The following OTUD7B variants were observed in gnomAD, a reference collection of about 807,000 sequenced individuals.
OTUD7B encodes the protein OTU domain-containing protein 7B.
Under a neutral mutation model 82.2 loss-of-function variants are expected in OTUD7B, and 34 were observed. The observed-to-expected ratio is 0.41, with a 90% CI of 0.31 to 0.55. The LOEUF (loss-of-function observed/expected upper bound fraction) is 0.55. OTUD7B is among the 20% of genes least tolerant of loss of function. OTUD7B has a pLI of 0.20. For missense variants in OTUD7B, 944 were observed against 1,062.1 expected (o/e 0.89, Z 1.55); for synonymous variants, 398 against 402.7 (o/e 0.99, Z 0.14).
At chr1:150,026,432 C>A in the OTUD7B span, among the ~76,000 whole-genome samples, 1 of 152,190 alleles carries the variant, frequency 6.6e-6, no homozygotes, top group Non-Finnish European at 1.5e-5. Flanking sequence ...ATGGTTCTCT[C>A]CTTCTGCAAC....
chr1:149,952,061 T>TG (rs1648298835), intron 7 of OTUD7B, among the ~76,000 whole-genome samples: 2 of 152,072 alleles, frequency 1.3e-5, no homozygotes, highest in Non-Finnish European at 2.9e-5. Flanking sequence ...TAATTTTTTT[T>TG]TATTATACTT....
At chr1:150,056,165 C>T in the OTUD7B span, among the ~76,000 whole-genome samples, 32 of 152,138 alleles carry the variant, frequency 2.1e-4, no homozygotes, top group Non-Finnish European at 3.8e-4. Flanking sequence ...TGCCTGTTCT[C>T]TTAAAACATC....
intron 1 of OTUD7B, among the ~76,000 whole-genome samples, chr1:149,990,992 A>AC (rs1651530323): frequency 0.036 from 1 of 28 alleles, no homozygotes; most frequent in Non-Finnish European, 0.083. Flanking sequence ...ACTCCGTCGC[A>AC]AAAAAAAAAA....
chr1:150,014,986 T>G (rs1653225625), upstream of OTUD7B, among the ~76,000 whole-genome samples: 3 of 152,206 alleles, frequency 2.0e-5, no homozygotes, highest in African/African-American at 7.2e-5. Context: ...TACTTGTGGA[T>G]TATTTGATTG....
chr1:150,002,796 T>C (rs1210871370), intron 1 of OTUD7B, among the ~76,000 whole-genome samples: 1 of 152,172 alleles, frequency 6.6e-6, no homozygotes, highest in Non-Finnish European at 1.5e-5. Flanking sequence ...TCTGATTCCA[T>C]GAATCTGTAA....
chr1:149,995,193 T>C (rs1553783033), intron 1 of OTUD7B, among the ~76,000 whole-genome samples: 1 of 152,196 alleles, frequency 6.6e-6, no homozygotes. Flanking sequence ...TACATCCACA[T>C]AAATCATCTC....
rs782367031 is a variant in OTUD7B at position 149,977,556 on chromosome 1, G to C, written c.-46C>G. The C allele has an allele frequency of 1.4e-6, 2 of 1,452,518 alleles. No individual in the cohort carries two copies. The highest frequency in any genetic ancestry group is 2.8e-5 in the African/African-American group (2 of 71,760). The allele number at this position is 1,452,518 out of a possible 1,614,324, so 90.0% of individuals were successfully genotyped here. On this transcript the variant is annotated 5_prime_UTR_variant, in exon 2 of 12. The change creates a new upstream start codon in the 5' untranslated region. Coordinates refer to ENST00000581312, the MANE Select transcript of OTUD7B (RefSeq NM_020205.4). ...GCCAGCTGGATGTAGGTAGAACATAGATCAAAATTCAGGCCTCCACCTGAG... is the reference window on the plus strand; with the variant it reads ...GCCAGCTGGATGTAGGTAGAACATACATCAAAATTCAGGCCTCCACCTGAG...
At chr1:150,061,519 C>T in the OTUD7B span, among the ~76,000 whole-genome samples, 2 of 152,078 alleles carry the variant, frequency 1.3e-5, no homozygotes, top group African/African-American at 4.8e-5. Context: ...CATTCTCATA[C>T]GTGTCTCACA....
chr1:149,993,687 C>A (rs1478392672), intron 1 of OTUD7B, among the ~76,000 whole-genome samples: 1 of 152,174 alleles, frequency 6.6e-6, no homozygotes, highest in African/African-American at 2.4e-5. Flanking sequence ...ATATTTTGGT[C>A]AAAGGCACTG....
chr1:149,993,997 T>C (rs1651764936), intron 1 of OTUD7B, among the ~76,000 whole-genome samples: 1 of 152,182 alleles, frequency 6.6e-6, no homozygotes, highest in South Asian at 2.1e-4. Flanking sequence ...GGTTTCTGTT[T>C]TTCCTTCTCC....
At chr1:150,033,734 AT>A in the OTUD7B span, among the ~76,000 whole-genome samples, 5 of 151,682 alleles carry the variant, frequency 3.3e-5, no homozygotes, top group African/African-American at 1.2e-4. Flanking sequence ...CATATTAATA[AT>A]TTTTTTTGAG....
the OTUD7B span, among the ~76,000 whole-genome samples, chr1:150,032,426 C>T: frequency 0.015 from 1,847 of 123,686 alleles, 42 homozygotes; most frequent in African/African-American, 0.051. Context: ...CCAGGAGTTC[C>T]GAGACTAGCT....
intron 3 of OTUD7B, among the ~76,000 whole-genome samples, chr1:149,967,743 T>A (rs1649613612): frequency 6.6e-6 from 1 of 152,214 alleles, no homozygotes; most frequent in Non-Finnish European, 1.5e-5. Flanking sequence ...TATTCATTCC[T>A]CTTTCTGCCC....
chr1:150,042,251 C>A, the OTUD7B span, among the ~76,000 whole-genome samples: 1 of 151,582 alleles, frequency 6.6e-6, no homozygotes, highest in South Asian at 2.1e-4. Flanking sequence ...CGACTCACTG[C>A]AACCTCCATC....
intron 1 of OTUD7B, among the ~76,000 whole-genome samples, chr1:150,004,647 A>T (rs1652539465): frequency 6.6e-6 from 1 of 151,714 alleles, no homozygotes; most frequent in Non-Finnish European, 1.5e-5. Flanking sequence ...TAGCTTTTTA[A>T]CACCCTCTAT....
At chr1:149,994,779 C>T (rs1651821129) in intron 1 of OTUD7B, among the ~76,000 whole-genome samples, 1 of 151,920 alleles carries the variant, frequency 6.6e-6, no homozygotes, top group South Asian at 2.1e-4. Context: ...CCTGGCTAAT[C>T]AAACCCAATT....
At chr1:150,041,017 C>CT in the OTUD7B span, among the ~76,000 whole-genome samples, 1 of 151,416 alleles carries the variant, frequency 6.6e-6, no homozygotes, top group Non-Finnish European at 1.5e-5. Flanking sequence ...GCCTCTTTTC[C>CT]TTTTTTTAAT....
At chr1:150,013,947 T>TATATATACACACAC (rs782181773), upstream of OTUD7B, among the ~76,000 whole-genome samples, 1 of 104,396 alleles carries the variant, frequency 9.6e-6, no homozygotes, top group South Asian at 3.2e-4. Context: ...AATATATATA[T>TATATATACACACAC]ACACACACAC....
chr1:150,015,305 T>TTG (rs1653234080), upstream of OTUD7B, among the ~76,000 whole-genome samples: 1 of 144,672 alleles, frequency 6.9e-6, no homozygotes. Context: ...TTTTTTTGTT[T>TTG]TTTTTTGAGA....
Sources: gnomAD v4.1 joint callset for allele counts (sites outside exome capture counted in the v4.1 genomes callset) on GRCh38, gnomAD v4.1.1 for gene constraint, MANE v1.5 for transcripts, NCBI Gene and HGNC (gene_info 2026-07-23, HGNC 2026-07-21) for gene names.